GRAMD1B: variants seen among roughly 807,000 people sequenced by gnomAD.
GRAMD1B encodes protein Aster-B.
A neutral mutation model predicts 99.7 loss-of-function variants in GRAMD1B; 37 were observed. The ratio of observed to expected loss-of-function variants is 0.37; its 90% CI spans 0.29 to 0.49. GRAMD1B has a LOEUF of 0.49. Ranked by LOEUF, GRAMD1B falls within the 20% of genes least tolerant of loss-of-function variation. The pLI is 0.98. For missense variants in GRAMD1B, 888 were observed against 1,009.2 expected, an observed-to-expected ratio of 0.88 and a Z score of 1.63; for synonymous variants, 427 against 387.6, an observed-to-expected ratio of 1.10 and a Z score of -1.19.
chr11:123,574,159 G>A (rs559763645), intron 2 of GRAMD1B, among the ~76,000 whole-genome samples: 49 of 152,178 alleles, frequency 3.2e-4, no homozygotes, highest in African/African-American at 1.1e-3. Flanking sequence ...CAAGTAGTGC[G>A]TCGTATGGGA....
chr11:123,576,626 T>C (rs1187135764), intron 2 of GRAMD1B, among the ~76,000 whole-genome samples: 1 of 152,168 alleles, frequency 6.6e-6, no homozygotes, highest in Non-Finnish European at 1.5e-5. Flanking sequence ...TGGGAATAAA[T>C]GTTGGGGTAA....
At chr11:123,462,173 T>C (rs1950457331) in intron 1 of GRAMD1B, among the ~76,000 whole-genome samples, 1 of 151,382 alleles carries the variant, frequency 6.6e-6, no homozygotes, top group South Asian at 2.1e-4. Flanking sequence ...TTCACCATGT[T>C]AGCCAGGATG....
chr11:123,578,811 T>G (rs1209763044), intron 3 of GRAMD1B, among the ~76,000 whole-genome samples: 4 of 152,170 alleles, frequency 2.6e-5, no homozygotes, highest in African/African-American at 9.7e-5. Context: ...TCCAGGCCCC[T>G]CCCCTTTGGT....
intron 1 of GRAMD1B, among the ~76,000 whole-genome samples, chr11:123,451,059 C>T (rs762320218): frequency 3.9e-5 from 6 of 152,080 alleles, no homozygotes; most frequent in Admixed American, 6.6e-5. Context: ...CTGTTGGGAG[C>T]GTCCCATCAG....
Position 123,627,577 on chromosome 11 carries a change from G to T in GRAMD1B, c.*4982G>T, listed in dbSNP as rs1484476149. ...ATCTATGGGAAAGAACACGGGTCGA[G>T]TGCAGTCGAGTTGTCTGGCCATCTG... On this transcript the variant is annotated 3_prime_UTR_variant, in exon 20 of 20. Coordinates refer to ENST00000635736, the MANE Select transcript of GRAMD1B (RefSeq NM_001387025.1). The T allele has an allele frequency of 6.6e-6, 1 of 152,300 alleles. No individual in the cohort carries two copies. Among genetic ancestry groups the T allele is most frequent in the East Asian group, 1.9e-4 (1 of 5,186 alleles). 9.4% of individuals were successfully genotyped at this position (152,300 alleles called of 1,614,324 possible). A position where few individuals can be genotyped will look rare whatever the true frequency, so the allele number is the denominator to read the frequency against.
rs527615107 is a variant in GRAMD1B, at chr11:123,487,283, G to C, written c.452+6390G>C. 9.2e-5 allele frequency among the ~76,000 whole-genome samples: 14 copies of C among 152,236 alleles called. No homozygotes were observed. In the South Asian group the frequency reaches 2.9e-3, roughly 32 times the overall value. On this transcript the variant is annotated intron_variant, in intron 2 of 19. Coordinates refer to ENST00000635736, the MANE Select transcript of GRAMD1B (RefSeq NM_001387025.1). ...CTGGGGTGAGGGCAGGGGTGGGAGG[G>C]TTTCCAGAAAACTCTACAGAGGGGG...
At chr11:123,601,835 C>T (rs1952019529) in intron 8 of GRAMD1B, among the ~76,000 whole-genome samples, 1 of 152,220 alleles carries the variant, frequency 6.6e-6, no homozygotes, top group South Asian at 2.1e-4. Flanking sequence ...CATTCATATG[C>T]TTCGCAAATG....
chr11:123,402,661 C>G (rs149645417), intron 1 of GRAMD1B, among the ~76,000 whole-genome samples: 94 of 152,336 alleles, frequency 6.2e-4, no homozygotes, highest in African/African-American at 2.0e-3. Flanking sequence ...TTCAGACTTT[C>G]TGCTCTCTTT....
At chr11:123,502,774 C>CAAAAAAAAAAAA (rs34321315) in intron 2 of GRAMD1B, among the ~76,000 whole-genome samples, 1 of 98,526 alleles carries the variant, frequency 1.0e-5, no homozygotes, top group Non-Finnish European at 2.0e-5. Context: ...GACTCCATCT[C>CAAAAAAAAAAAA]AAAAAAAAAA....
chr11:123,609,843 G>T lies in GRAMD1B; in HGVS notation c.1706G>T (p.Arg569Leu). Residue 569 changes from arginine (R) to leucine (L), a missense_variant, in exon 13 of 20, where the codon CGA becomes CTA. Transcript: ENST00000635736. ...WKKEENGNQS[R>L]VILYTITLTN... ...AAGGAGGAGAATGGAAACCAGAGCC[G>T]AGTGATTCTTTACACCATCACCCTT... 6.2e-7 allele frequency: 1 copy of T among 1,604,774 alleles called. No homozygotes were observed. Among genetic ancestry groups the T allele is most frequent in the Non-Finnish European group, 8.5e-7 (1 of 1,175,398 alleles).
intron 2 of GRAMD1B, among the ~76,000 whole-genome samples, chr11:123,517,939 C>G (rs964230541): frequency 3.3e-5 from 5 of 152,102 alleles, no homozygotes; most frequent in African/African-American, 1.2e-4. Context: ...TTATAAGCAC[C>G]CTCCTGGGTC....
chr11:123,605,520 G>T, intron 10 of GRAMD1B, 42 bp downstream of exon 10: 2 of 1,538,234 alleles, frequency 1.3e-6, no homozygotes, highest in Non-Finnish European at 1.8e-6. Flanking sequence ...CAGTCCTGTG[G>T]CCAGCGTTTC....
chr11:123,549,534 TCAG>T (rs1340170988), intron 2 of GRAMD1B, among the ~76,000 whole-genome samples: 1 of 151,254 alleles, frequency 6.6e-6, no homozygotes, highest in Non-Finnish European at 1.5e-5. Context: ...AGAGTGAGAC[TCAG>T]TCTCAAAAAA....
chr11:123,592,656 C>T (rs571909109), intron 4 of GRAMD1B, among the ~76,000 whole-genome samples: 6 of 152,242 alleles, frequency 3.9e-5, no homozygotes, highest in African/African-American at 1.4e-4. Flanking sequence ...CAGTTTGAAA[C>T]TAATATAGGG....
chr11:123,574,052 T>C (rs1948446077), intron 2 of GRAMD1B, among the ~76,000 whole-genome samples: 2 of 143,268 alleles, frequency 1.4e-5, no homozygotes, highest in African/African-American at 2.6e-5. Context: ...GGATTTGAAA[T>C]GGGTCTTGAA....
intron 7 of GRAMD1B, among the ~76,000 whole-genome samples, chr11:123,597,061 G>T (rs185774197): frequency 1.3e-5 from 2 of 151,872 alleles, no homozygotes; most frequent in Non-Finnish European, 2.9e-5. Context: ...TAGCAAGCAG[G>T]TGAAGTGACT....
intron 1 of GRAMD1B, among the ~76,000 whole-genome samples, chr11:123,436,684 G>T (rs898709387): frequency 2.0e-5 from 3 of 152,188 alleles, no homozygotes; most frequent in Non-Finnish European, 4.4e-5. Flanking sequence ...AAGGCCTGGA[G>T]TCTTGCTCTT....
intron 1 of GRAMD1B, among the ~76,000 whole-genome samples, chr11:123,464,776 A>T (rs1292233528): frequency 6.6e-6 from 1 of 152,220 alleles, no homozygotes; most frequent in Non-Finnish European, 1.5e-5. Flanking sequence ...AAGATGTTTC[A>T]AAGGTGGGAG....
intron 1 of GRAMD1B, among the ~76,000 whole-genome samples, chr11:123,422,405 A>T (rs1565488758): frequency 6.6e-6 from 1 of 152,208 alleles, no homozygotes; most frequent in Non-Finnish European, 1.5e-5. Context: ...GGTTGTCCAG[A>T]GCTGGATTAC....
Sources: gnomAD v4.1 joint callset for allele counts (sites outside exome capture counted in the v4.1 genomes callset) on GRCh38, gnomAD v4.1.1 for gene constraint, MANE v1.5 for transcripts, NCBI Gene and HGNC (gene_info 2026-07-23, HGNC 2026-07-21) for gene names.